The following FYN variants were observed in gnomAD, a reference collection of about 807,000 sequenced individuals.
The protein encoded by FYN is tyrosine-protein kinase Fyn.
In FYN, 10 loss-of-function variants were observed where a neutral mutation model predicts 70.2. That is an observed-to-expected ratio of 0.14 (90% CI 0.09 to 0.24). The LOEUF (loss-of-function observed/expected upper bound fraction) is 0.24. FYN is among the 10% of genes least tolerant of loss of function. FYN has a pLI of 1.00. For missense variants in FYN, 319 were observed against 673.1 expected (o/e 0.47, Z 5.82); for synonymous variants, 236 against 248.6 (o/e 0.95, Z 0.48).
intron 3 of FYN, among the ~76,000 whole-genome samples, chr6:111,733,646 C>T (rs1469348324): frequency 1.3e-5 from 2 of 152,268 alleles, no homozygotes; most frequent in African/African-American, 4.8e-5. Flanking sequence ...GCTGAGTAGC[C>T]CTGTGGTACA....
intron 12 of FYN, among the ~76,000 whole-genome samples, chr6:111,688,720 C>G (rs1799152209): frequency 6.6e-6 from 1 of 152,176 alleles, no homozygotes; most frequent in African/African-American, 2.4e-5. Flanking sequence ...GAAGGCCCAT[C>G]TGATATTCAG....
At chr6:111,829,792 T>C (rs933723966) in intron 2 of FYN, among the ~76,000 whole-genome samples, 2 of 152,206 alleles carry the variant, frequency 1.3e-5, no homozygotes, top group African/African-American at 4.8e-5. Context: ...GCAATAGACA[T>C]GCCACGGATA....
intron 1 of FYN, among the ~76,000 whole-genome samples, chr6:111,856,963 C>T (rs1218668791): frequency 2.0e-5 from 3 of 152,156 alleles, no homozygotes; most frequent in African/African-American, 7.2e-5. Flanking sequence ...TTTTAAAATA[C>T]ATCATCTTAA....
At chr6:111,808,221 ACTCT>A (rs1314469197) in intron 2 of FYN, among the ~76,000 whole-genome samples, 1 of 151,978 alleles carries the variant, frequency 6.6e-6, no homozygotes, top group Non-Finnish European at 1.5e-5. Context: ...CTGCAAACAC[ACTCT>A]CTATCAATCA....
In FYN at chr6:111,698,696, A is replaced by T. The variant is rs368066658; in HGVS notation, c.862+1408T>A. Among the ~76,000 whole-genome samples, 6 of 152,214 alleles carry T rather than the reference A, an allele frequency of 3.9e-5. No individual in the cohort carries two copies. In the East Asian group the frequency reaches 1.2e-3, roughly 29 times the overall value. On this transcript the variant is annotated intron_variant, in intron 9 of 13. Transcript: ENST00000354650. The stretch of plus-strand genomic sequence containing the variant: ...CAGCCAGCCTTATCAATGACAATCA[A>T]ATAAAGAGAAGTATGTATCTCTACT...
At position 111,864,645 on chromosome 6, in the gene FYN, G is replaced by A. The variant is rs368639933; in HGVS notation, c.-123+8323C>T. Among the ~76,000 whole-genome samples the A allele has an allele frequency of 3.0e-4, 46 of 152,264 alleles. 1 individual carries two copies. In the East Asian group the frequency reaches 8.3e-3, roughly 28 times the overall value. On this transcript the variant is annotated intron_variant, in intron 1 of 13. Coordinates refer to ENST00000354650, the MANE Select transcript of FYN (RefSeq NM_002037.5). ...GGCTTCTCAAGAGGCAGTAGGTTTT[G>A]AGGGGAGTCATCAGAAAGGGTGAGA...
At chr6:111,822,030 T>C (rs1174892432) in intron 2 of FYN, among the ~76,000 whole-genome samples, 2 of 152,202 alleles carry the variant, frequency 1.3e-5, no homozygotes, top group Admixed American at 6.5e-5. Context: ...ACACTGTTGG[T>C]GGGACTGTAA....
At chr6:111,757,626 C>T (rs1412985946) in intron 3 of FYN, among the ~76,000 whole-genome samples, 1 of 152,180 alleles carries the variant, frequency 6.6e-6, no homozygotes, top group Non-Finnish European at 1.5e-5. Flanking sequence ...TGGCATCCCA[C>T]ATCAGGAAGG....
chr6:111,804,133 G>T (rs868116002), intron 2 of FYN, among the ~76,000 whole-genome samples: 5 of 152,106 alleles, frequency 3.3e-5, no homozygotes, highest in Non-Finnish European at 7.4e-5. Context: ...AAACCAAAAT[G>T]GAACATTTCA....
intron 3 of FYN, among the ~76,000 whole-genome samples, chr6:111,763,438 C>G (rs1461403901): frequency 6.6e-6 from 1 of 152,194 alleles, no homozygotes; most frequent in Non-Finnish European, 1.5e-5. Context: ...GGTCAAAATT[C>G]AACCAAGTCT....
chr6:111,746,548 T>C (rs1277771590), intron 3 of FYN, among the ~76,000 whole-genome samples: 2 of 152,250 alleles, frequency 1.3e-5, no homozygotes, highest in Non-Finnish European at 2.9e-5. Context: ...TCCATTATAG[T>C]AGCTTTTATT....
Position 111,670,475 on chromosome 6 carries a change from GT to G in FYN, c.1405+4023del, listed in dbSNP as rs530610407. On this transcript the variant is annotated intron_variant, in intron 13 of 13. Transcript: ENST00000354650. ...TTTTGCTTATTTATCTTTGTTTATT[GT>G]TTGTCTCCTCAAAGAAGAATGGAAG... Among the ~76,000 whole-genome samples the G allele has an allele frequency of 2.6e-5, 4 of 152,136 alleles. No homozygotes were observed. The East Asian group carries it at 7.7e-4, about 29-fold the overall frequency.
intron 2 of FYN, among the ~76,000 whole-genome samples, chr6:111,816,091 T>G (rs1323141024): frequency 6.6e-6 from 1 of 152,214 alleles, no homozygotes; most frequent in Non-Finnish European, 1.5e-5. Flanking sequence ...AGCTAGGTGA[T>G]AAGCTAAATG....
intron 4 of FYN, among the ~76,000 whole-genome samples, chr6:111,716,691 C>T: frequency 1.3e-5 from 2 of 150,694 alleles, no homozygotes; most frequent in Middle Eastern, 3.4e-3. Flanking sequence ...TAGTAGATAG[C>T]CATTAAATTA....
At chr6:111,822,940 G>A (rs1328336593) in intron 2 of FYN, among the ~76,000 whole-genome samples, 2 of 152,134 alleles carry the variant, frequency 1.3e-5, no homozygotes, top group African/African-American at 4.8e-5. Context: ...GGCTGCTACA[G>A]TGGAACAGCA....
intron 3 of FYN, among the ~76,000 whole-genome samples, chr6:111,751,184 G>A (rs946336193): frequency 5.3e-5 from 8 of 152,106 alleles, no homozygotes; most frequent in African/African-American, 1.9e-4. Context: ...AGAACTTCTG[G>A]GAAACATAAC....
chr6:111,856,660 A>C (rs1773830873), intron 1 of FYN, among the ~76,000 whole-genome samples: 1 of 152,210 alleles, frequency 6.6e-6, no homozygotes. Context: ...AATACTTTTT[A>C]AATTCTATCC....
At chr6:111,663,424 G>A (rs905652410) in intron 13 of FYN, among the ~76,000 whole-genome samples, 1 of 152,204 alleles carries the variant, frequency 6.6e-6, no homozygotes, top group Non-Finnish European at 1.5e-5. Context: ...GGGAACACTC[G>A]GACTTCGGGG....
intron 3 of FYN, among the ~76,000 whole-genome samples, chr6:111,757,569 C>T (rs2128491769): frequency 6.6e-6 from 1 of 152,318 alleles, no homozygotes; most frequent in East Asian, 1.9e-4. Flanking sequence ...GATACCTTCT[C>T]TTCTACACAG....
Sources: allele counts gnomAD v4.1 joint callset (sites outside exome capture counted in the v4.1 genomes callset), GRCh38; gene constraint gnomAD v4.1.1; transcripts MANE v1.5; gene names NCBI Gene and HGNC (gene_info 2026-07-23, HGNC 2026-07-21).